The following FAH variants were observed in gnomAD, a reference collection of about 807,000 sequenced individuals.
FAH encodes the protein fumarylacetoacetase.
A neutral mutation model predicts 55.8 loss-of-function variants in FAH; 47 were observed. The ratio of observed to expected loss-of-function variants is 0.84; its 90% CI spans 0.67 to 1.07. FAH has a LOEUF of 1.07. Among genes scored for constraint, FAH ranks in the 50% least tolerant of loss-of-function variants. The probability of loss-of-function intolerance (pLI) is 0.00; values close to 1 mark genes in which losing one functional copy is unlikely to be tolerated. For synonymous variants in FAH, 199 were observed against 207.7 expected, an observed-to-expected ratio of 0.96 and a Z score of 0.36; for missense variants, 495 against 545.9, an observed-to-expected ratio of 0.91 and a Z score of 0.93.
chr15:80,178,619 C>T (rs1319829710), intron 11 of FAH, among the ~76,000 whole-genome samples: 4 of 148,134 alleles, frequency 2.7e-5, no homozygotes, highest in African/African-American at 7.5e-5. Context: ...GAGTCTCGCT[C>T]GTTGCCCAGG....
At position 80,174,107 on chromosome 15, in the gene FAH, G is replaced by A. The variant is rs570862997; in HGVS notation, c.838-909G>A. On this transcript the variant is annotated intron_variant, in intron 9 of 13. Coordinates refer to ENST00000561421, the MANE Select transcript of FAH (RefSeq NM_000137.4). The stretch of plus-strand genomic sequence containing the variant: ...CACCCTCATCCCTTGCTCTCTCCTC[G>A]CTGCTCCCTACCACAGCACCCCCTG... Among the ~76,000 whole-genome samples the A allele has an allele frequency of 6.6e-5, 10 of 152,140 alleles. No homozygotes were observed. In the South Asian group the frequency reaches 8.3e-4, roughly 13 times the overall value.
intron 13 of FAH, among the ~76,000 whole-genome samples, chr15:80,184,367 G>A (rs1251671394): frequency 1.3e-5 from 2 of 152,058 alleles, no homozygotes; most frequent in Non-Finnish European, 2.9e-5. Context: ...GTTTATTCCA[G>A]TTTCTCTCCC....
At chr15:80,170,016 C>T (rs1324120820) in intron 7 of FAH, among the ~76,000 whole-genome samples, 1 of 152,212 alleles carries the variant, frequency 6.6e-6, no homozygotes, top group African/African-American at 2.4e-5. Context: ...TCGGTCCCAC[C>T]ACCTGAGGAT....
At chr15:80,172,979 C>T (rs762398502) in intron 8 of FAH, 35 bp from the exon 9 acceptor site, 28 of 1,614,068 alleles carry the variant, frequency 1.7e-5, no homozygotes, top group Non-Finnish European at 2.3e-5. Context: ...CCCTGATCAG[C>T]CTTTGTAAGT....
intron 7 of FAH, among the ~76,000 whole-genome samples, chr15:80,168,978 G>C: frequency 6.6e-6 from 1 of 152,194 alleles, no homozygotes; most frequent in East Asian, 1.9e-4. Context: ...GTTAGGTTTT[G>C]ATTAGTTGAT....
chr15:80,154,222 A>G (rs1403328250), intron 1 of FAH, among the ~76,000 whole-genome samples: 1 of 152,236 alleles, frequency 6.6e-6, no homozygotes, highest in African/African-American at 2.4e-5. Flanking sequence ...TTCTGCAGAC[A>G]GAGCCCTCCC....
At chr15:80,162,891 C>G (rs2041160818) in intron 5 of FAH, 1 of 196,550 alleles carries the variant, frequency 5.1e-6, no homozygotes, top group Non-Finnish European at 1.1e-5. Context: ...TCCCAGCCCC[C>G]AGATCAGGCC....
chr15:80,153,088 T>A lies in FAH; in HGVS notation c.34T>A (p.Phe12Ile). The A allele has an allele frequency of 1.2e-6, 2 of 1,613,748 alleles. No homozygotes were observed. The highest frequency in any genetic ancestry group is 8.5e-7 in the Non-Finnish European group (1 of 1,179,956). ...SFIPVAEDSD[F>I]PIHNLPYGVF... ...CATCCCGGTGGCCGAGGATTCCGAC[T>A]TCCCCATCCACAACCTGCCCTACGG... The change falls in exon 1 of 14, where the codon TTC becomes ATC. Residue 12 changes from phenylalanine (F) to isoleucine (I), a missense_variant. Physicochemically the swap from Phe to Ile is conservative, Grantham distance 21 (BLOSUM62 0). Transcript: ENST00000561421.
intron 10 of FAH, among the ~76,000 whole-genome samples, chr15:80,176,743 G>A (rs930274365): frequency 1.3e-5 from 2 of 152,252 alleles, no homozygotes; most frequent in Non-Finnish European, 2.9e-5. Flanking sequence ...GCCTAGAGGT[G>A]AACCTGCCCG....
chr15:80,160,267 T>A, intron 3 of FAH, 143 bp from the exon 4 acceptor site: 1 of 830,580 alleles, frequency 1.2e-6, no homozygotes, highest in East Asian at 2.5e-5. Flanking sequence ...TGTGAAAGGT[T>A]CAGCATAGCT....
chr15:80,162,781 T>C, intron 5 of FAH: 1 of 251,828 alleles, frequency 4.0e-6, no homozygotes, highest in South Asian at 4.8e-5. Context: ...AGTAGTTCTC[T>C]GATGTCACAA....
chr15:80,186,365 A>G (rs763806074), downstream of FAH: 2 of 706,436 alleles, frequency 2.8e-6, no homozygotes, highest in African/African-American at 1.7e-5. Context: ...AGCTGTGTCC[A>G]CTTATGATCG....
chr15:80,169,561 TCTCA>T (rs889056814), intron 7 of FAH, among the ~76,000 whole-genome samples: 20 of 151,782 alleles, frequency 1.3e-4, no homozygotes, highest in African/African-American at 4.8e-4. Context: ...TGAGATGGAG[TCTCA>T]CTCTGTCACC....
intron 5 of FAH, among the ~76,000 whole-genome samples, chr15:80,165,641 G>T (rs2041185592): frequency 6.6e-6 from 1 of 151,886 alleles, no homozygotes; most frequent in African/African-American, 2.4e-5. Context: ...GTTGCAGTGA[G>T]CTGAGATCAC....
At chr15:80,174,708 T>C (rs763026291) in intron 9 of FAH, among the ~76,000 whole-genome samples, 2 of 152,160 alleles carry the variant, frequency 1.3e-5, no homozygotes, top group African/African-American at 4.8e-5. Context: ...CATCTCGGCC[T>C]GTCTGCTGCC....
intron 13 of FAH, among the ~76,000 whole-genome samples, chr15:80,181,463 A>G (rs892092466): frequency 1.3e-5 from 2 of 152,162 alleles, no homozygotes; most frequent in African/African-American, 2.4e-5. Context: ...CGCCCTGTGC[A>G]GACACTTGGT....
In FAH at chr15:80,177,576, A is replaced by G. The variant is rs1426269096; in HGVS notation, c.953A>G (p.Asn318Ser). The stretch of plus-strand genomic sequence containing the variant: ...CAGGCGGCTACCATATGCAAGTCCA[A>G]TTTTAAGGTAAGCTTTGACGCTGAT... ...MSQAATICKS[N>S]FKYMYWTMLQ... The change falls in exon 11 of 14, where the codon AAT becomes AGT. Residue 318 changes from asparagine (N) to serine (S), a missense_variant. Coordinates refer to ENST00000561421, the MANE Select transcript of FAH (RefSeq NM_000137.4). The G allele has an allele frequency of 1.9e-6, 3 of 1,613,894 alleles. No individual in the cohort carries two copies. The highest frequency in any genetic ancestry group is 2.2e-5 in the East Asian group (1 of 44,884).
In FAH at chr15:80,170,832, A is replaced by C. The variant is rs1000162073; in HGVS notation, c.607-1317A>C. Among the ~76,000 whole-genome samples, 3 of 152,342 alleles carry C rather than the reference A, an allele frequency of 2.0e-5. No individual in the cohort carries two copies. The East Asian group carries it at 5.8e-4, about 29-fold the overall frequency. ...CACAGAACAAATAAAATGGTGACTA[A>C]GTTTTGCAAATGTCATGGCTGAGTC... On this transcript the variant is annotated intron_variant, in intron 7 of 13. Coordinates refer to ENST00000561421, the MANE Select transcript of FAH (RefSeq NM_000137.4).
At chr15:80,168,704 A>G (rs2041216632) in intron 7 of FAH, among the ~76,000 whole-genome samples, 2 of 152,120 alleles carry the variant, frequency 1.3e-5, no homozygotes, top group Admixed American at 1.3e-4. Context: ...TTTGTAGTCT[A>G]TTCGGTGCCA....
Sources: allele counts gnomAD v4.1 joint callset (sites outside exome capture counted in the v4.1 genomes callset), GRCh38; gene constraint gnomAD v4.1.1; transcripts MANE v1.5; gene names NCBI Gene and HGNC (gene_info 2026-07-23, HGNC 2026-07-21).